PCDH15: variants seen among roughly 807,000 people sequenced by gnomAD.
The protein encoded by PCDH15 is protocadherin-15.
Under a neutral mutation model 178.5 loss-of-function variants are expected in PCDH15, and 129 were observed. The observed-to-expected ratio is 0.72, with a 90% CI of 0.63 to 0.84. The LOEUF (loss-of-function observed/expected upper bound fraction) is 0.84, where lower values mean the gene tolerates loss of function less well. Among genes scored for constraint, PCDH15 ranks in the 40% least tolerant of loss-of-function variants. The pLI, the probability that PCDH15 is intolerant of heterozygous loss-of-function variation, is 0.00. For synonymous variants in PCDH15, 800 were observed against 732.0 expected (o/e 1.09, Z -1.50); for missense variants, 2,230 against 2,099.9 (o/e 1.06, Z -1.21).
At chr10:55,227,284 T>G (rs1439128949) in intron 1 of PCDH15, among the ~76,000 whole-genome samples, 1 of 152,050 alleles carries the variant, frequency 6.6e-6, no homozygotes, top group Admixed American at 6.5e-5. Flanking sequence ...ACGACTAAAT[T>G]TACATGTAAA....
chr10:54,334,081 C>A (rs1940485350), intron 6 of PCDH15, among the ~76,000 whole-genome samples: 2 of 152,042 alleles, frequency 1.3e-5, no homozygotes, highest in African/African-American at 4.8e-5. Flanking sequence ...TGCTGACTAC[C>A]TGCACTGTAT....
At chr10:53,905,801 A>G (rs2082642673) in intron 25 of PCDH15, among the ~76,000 whole-genome samples, 1 of 152,132 alleles carries the variant, frequency 6.6e-6, no homozygotes, top group South Asian at 2.1e-4. Flanking sequence ...CCTATGGATA[A>G]CCCAAAATAT....
At chr10:55,190,903 AT>A (rs537851154) in intron 1 of PCDH15, among the ~76,000 whole-genome samples, 43 of 150,516 alleles carry the variant, frequency 2.9e-4, no homozygotes, top group South Asian at 1.3e-3. Context: ...CAAATTCATT[AT>A]TTTTTTTTGA....
chr10:54,949,055 G>A (rs1395757380), intron 2 of PCDH15, among the ~76,000 whole-genome samples: 1 of 151,716 alleles, frequency 6.6e-6, no homozygotes, highest in Non-Finnish European at 1.5e-5. Flanking sequence ...TAAGAGACAT[G>A]GAGGAAAACA....
intron 2 of PCDH15, among the ~76,000 whole-genome samples, chr10:54,564,342 T>C (rs552565652): frequency 6.6e-6 from 1 of 152,276 alleles, no homozygotes; most frequent in East Asian, 1.9e-4. Flanking sequence ...TTGAGAAGTA[T>C]GGCTAAATAG....
In PCDH15 at chr10:54,721,973, A is replaced by G. The variant is rs143916473; in HGVS notation, c.-28-57683T>C. 7.9e-4 allele frequency among the ~76,000 whole-genome samples: 120 copies of G among 151,984 alleles called. 2 individuals are homozygous for G. In the East Asian group the frequency reaches 0.023, roughly 29 times the overall value. On this transcript the variant is annotated intron_variant, in intron 1 of 37. Transcript: ENST00000644397. The stretch of plus-strand genomic sequence containing the variant: ...GCCTAATGCAAAAATCTTCAACAAA[A>G]TACTAGCAAACCAAATCCAACAGCA...
intron 2 of PCDH15, among the ~76,000 whole-genome samples, chr10:55,102,274 G>A (rs368364873): frequency 4.6e-5 from 7 of 151,840 alleles, no homozygotes; most frequent in Admixed American, 2.6e-4. Flanking sequence ...TTTCTACTCT[G>A]AGTATCTTAG....
intron 3 of PCDH15, among the ~76,000 whole-genome samples, chr10:54,510,005 G>A (rs540634437): frequency 4.6e-5 from 7 of 152,200 alleles, no homozygotes; most frequent in African/African-American, 1.7e-4. Context: ...CAAAACTCTT[G>A]GAGAAGTCAG....
intron 2 of PCDH15, among the ~76,000 whole-genome samples, chr10:54,638,614 A>T (rs1316556499): frequency 5.9e-5 from 9 of 152,096 alleles, no homozygotes; most frequent in Non-Finnish European, 1.0e-4. Flanking sequence ...ATCTTTTATT[A>T]TTTAATTTTT....
chr10:53,961,377 T>C (rs1384118733), intron 22 of PCDH15, among the ~76,000 whole-genome samples: 1 of 152,038 alleles, frequency 6.6e-6, no homozygotes, highest in African/African-American at 2.4e-5. Context: ...TGTTATATAG[T>C]AAAATACTAT....
intron 2 of PCDH15, among the ~76,000 whole-genome samples, chr10:55,019,747 C>A (rs2131952990): frequency 6.6e-6 from 1 of 152,246 alleles, no homozygotes; most frequent in African/African-American, 2.4e-5. Context: ...CTTCGGAGTT[C>A]TTGGCACTTC....
intron 3 of PCDH15, among the ~76,000 whole-genome samples, chr10:54,828,499 GTGTA>G (rs1333424909): frequency 6.6e-6 from 1 of 151,776 alleles, no homozygotes; most frequent in Non-Finnish European, 1.5e-5. Flanking sequence ...GTATGTGTAT[GTGTA>G]TGTGTGTGTA....
intron 3 of PCDH15, among the ~76,000 whole-genome samples, chr10:54,878,238 C>T (rs1343580757): frequency 6.6e-6 from 1 of 152,146 alleles, no homozygotes; most frequent in African/African-American, 2.4e-5. Context: ...GCTGGGATTA[C>T]AGGCATGAGC....
In PCDH15 at chr10:53,805,463, T is replaced by C. The variant is rs1841090684; in HGVS notation, c.*1116A>G. 6.6e-6 allele frequency: 1 copy of C among 152,086 alleles called. No individual in the cohort carries two copies. Among genetic ancestry groups the C allele is most frequent in the Admixed American group, 6.6e-5 (1 of 15,226 alleles). 9.4% of individuals were successfully genotyped at this position (152,086 alleles called of 1,614,324 possible). A position where few individuals can be genotyped will look rare whatever the true frequency, so the allele number is the denominator to read the frequency against. On this transcript the variant is annotated 3_prime_UTR_variant, in exon 38 of 38. Coordinates refer to ENST00000644397, the MANE Select transcript of PCDH15 (RefSeq NM_001384140.1). Reference sequence around the variant, plus strand: ...TCAATGGTAAAAAATCAAGACCATGTTCTTTGATTTTAAAAAATGCCCAGG... The same window carrying C: ...TCAATGGTAAAAAATCAAGACCATGCTCTTTGATTTTAAAAAATGCCCAGG...
chr10:54,289,033 G>A (rs777854853), intron 8 of PCDH15, among the ~76,000 whole-genome samples: 4 of 152,226 alleles, frequency 2.6e-5, no homozygotes, highest in Admixed American at 2.0e-4. Flanking sequence ...ATGGCATTTG[G>A]GATCTGAGAA....
intron 2 of PCDH15, among the ~76,000 whole-genome samples, chr10:55,452,058 T>A (rs1839447508): frequency 6.6e-6 from 1 of 152,218 alleles, no homozygotes; most frequent in Admixed American, 6.5e-5. Flanking sequence ...TGTTGTATAT[T>A]AGAAATAAAG....
chr10:55,079,142 G>T (rs1841978669), intron 2 of PCDH15, among the ~76,000 whole-genome samples: 2 of 151,974 alleles, frequency 1.3e-5, no homozygotes, highest in South Asian at 4.2e-4. Context: ...GAATTATTGT[G>T]TTCTTTTGGG....
chr10:55,267,851 T>TC (rs1436435221), intron 1 of PCDH15, among the ~76,000 whole-genome samples: 1 of 152,124 alleles, frequency 6.6e-6, no homozygotes, highest in Non-Finnish European at 1.5e-5. Context: ...TGAGACAGGT[T>TC]CCACAGAAAT....
chr10:54,373,463 C>T (rs1460656679), intron 4 of PCDH15, among the ~76,000 whole-genome samples: 1 of 151,834 alleles, frequency 6.6e-6, no homozygotes, highest in African/African-American at 2.4e-5. Context: ...GTGTCCTTCA[C>T]AAATTAAATT....
Sources: gnomAD v4.1 joint callset for allele counts (sites outside exome capture counted in the v4.1 genomes callset) on GRCh38, gnomAD v4.1.1 for gene constraint, MANE v1.5 for transcripts, NCBI Gene and HGNC (gene_info 2026-07-23, HGNC 2026-07-21) for gene names.